BCHE: variants seen among roughly 807,000 people sequenced by gnomAD.
BCHE encodes the protein cholinesterase.
Under a neutral mutation model 51.3 loss-of-function variants are expected in BCHE, and 48 were observed. That is an observed-to-expected ratio of 0.94 (90% CI 0.74 to 1.19). The LOEUF is 1.19. Ranked by LOEUF, BCHE falls within the 50% of genes most tolerant of loss-of-function variation. The pLI, the probability that BCHE is intolerant of heterozygous loss-of-function variation, is 0.00. For synonymous variants in BCHE, 251 were observed against 238.0 expected (o/e 1.05, Z -0.50); for missense variants, 847 against 708.2 (o/e 1.20, Z -2.23).
chr3:165,779,464 A>G (rs1712597925), intron 3 of BCHE, among the ~76,000 whole-genome samples: 1 of 152,162 alleles, frequency 6.6e-6, no homozygotes, highest in African/African-American at 2.4e-5. Context: ...ATAAAAAGAA[A>G]GGAAGTCAAG....
chr3:165,829,009 T>C (rs1478711737), intron 2 of BCHE, among the ~76,000 whole-genome samples: 1 of 151,974 alleles, frequency 6.6e-6, no homozygotes, highest in East Asian at 1.9e-4. Flanking sequence ...AACAATACAA[T>C]GGCAAATGTA....
chr3:165,816,899 T>G (rs1404215979), intron 2 of BCHE, among the ~76,000 whole-genome samples: 1 of 152,088 alleles, frequency 6.6e-6, no homozygotes, highest in East Asian at 1.9e-4. Flanking sequence ...ATCTTCATAC[T>G]TTTAGATACC....
chr3:165,829,080 G>A (rs1714845469), intron 2 of BCHE, among the ~76,000 whole-genome samples: 1 of 152,056 alleles, frequency 6.6e-6, no homozygotes, highest in African/African-American at 2.4e-5. Context: ...TTCCTAAGCA[G>A]AGATACATTA....
intron 1 of BCHE, among the ~76,000 whole-genome samples, chr3:165,834,642 A>G (rs963073774): frequency 6.6e-6 from 1 of 151,928 alleles, no homozygotes; most frequent in Non-Finnish European, 1.5e-5. Flanking sequence ...CCATTAAAAG[A>G]CTTTAAAAAT....
At chr3:165,816,519 C>T in intron 2 of BCHE, among the ~76,000 whole-genome samples, 1 of 151,852 alleles carries the variant, frequency 6.6e-6, no homozygotes, top group East Asian at 1.9e-4. Flanking sequence ...ATTGCAATTA[C>T]TGATTCCTCT....
At chr3:165,780,183 G>A (rs1712637526) in intron 3 of BCHE, among the ~76,000 whole-genome samples, 1 of 152,122 alleles carries the variant, frequency 6.6e-6, no homozygotes, top group African/African-American at 2.4e-5. Flanking sequence ...CTAATAAATG[G>A]TGCTGGGAAA....
intron 2 of BCHE, among the ~76,000 whole-genome samples, chr3:165,794,568 G>A (rs943913090): frequency 6.6e-6 from 1 of 152,264 alleles, no homozygotes; most frequent in East Asian, 1.9e-4. Context: ...GAAGGGAGAA[G>A]GGAGCTATTT....
intron 1 of BCHE, among the ~76,000 whole-genome samples, chr3:165,833,662 G>C (rs1715071753): frequency 6.6e-6 from 1 of 151,994 alleles, no homozygotes; most frequent in Non-Finnish European, 1.5e-5. Context: ...TAACATTTCA[G>C]ACATAATCAA....
chr3:165,777,222 T>C (rs1214146200), intron 3 of BCHE, among the ~76,000 whole-genome samples: 1 of 151,846 alleles, frequency 6.6e-6, no homozygotes, highest in Non-Finnish European at 1.5e-5. Flanking sequence ...TAAATAAAAA[T>C]AGAGCAGAAA....
intron 3 of BCHE, among the ~76,000 whole-genome samples, chr3:165,780,114 G>T (rs829503): frequency 0.91 from 138,489 of 152,138 alleles, 63,588 homozygotes; most frequent in Non-Finnish European, 0.97. Flanking sequence ...ATCATACATC[G>T]ACAACCATTT....
chr3:165,822,301 GATTA>G (rs1437227792), intron 2 of BCHE, among the ~76,000 whole-genome samples: 4 of 151,920 alleles, frequency 2.6e-5, no homozygotes, highest in South Asian at 2.1e-4. Flanking sequence ...AAGCTTAGTT[GATTA>G]ATTAAGTAGT....
chr3:165,822,643 T>A (rs1173357317), intron 2 of BCHE, among the ~76,000 whole-genome samples: 2 of 152,064 alleles, frequency 1.3e-5, no homozygotes, highest in African/African-American at 4.8e-5. Context: ...TGGTTCTCTC[T>A]GAGATTTTAC....
chr3:165,796,385 T>G (rs1342628804), intron 2 of BCHE, among the ~76,000 whole-genome samples: 1 of 152,180 alleles, frequency 6.6e-6, no homozygotes, highest in Non-Finnish European at 1.5e-5. Flanking sequence ...AAGGTGAGAC[T>G]TCTTGAATGA....
chr3:165,804,724 CT>C (rs1350613573), intron 2 of BCHE, among the ~76,000 whole-genome samples: 1 of 152,084 alleles, frequency 6.6e-6, no homozygotes, highest in East Asian at 1.9e-4. Context: ...TATAAATATC[CT>C]TTAGAAGTGT....
Position 165,830,918 on chromosome 3 carries a change from C to T in BCHE, c.116G>A (p.Gly39Glu). The T allele has an allele frequency of 1.9e-6, 3 of 1,613,886 alleles. No individual in the cohort carries two copies. Among genetic ancestry groups the T allele is most frequent in the Non-Finnish European group, 2.5e-6 (3 of 1,179,900 alleles). The stretch of plus-strand genomic sequence containing the variant: ...TGTCAAGTTCATCCCTCTGACTTTT[C>T]CATTCTTTGTTGCAATTATGATGTC... ...EDDIIIATKN[G>E]KVRGMNLTVF... The change falls in exon 2 of 4, where the codon GGA (glycine) becomes GAA (glutamate). Residue 39 changes from glycine to glutamate, a missense_variant. Transcript: ENST00000264381.
chr3:165,784,550 G>A (rs1487961658), intron 3 of BCHE, among the ~76,000 whole-genome samples: 1 of 151,896 alleles, frequency 6.6e-6, no homozygotes, highest in East Asian at 1.9e-4. Flanking sequence ...CGTTACACAA[G>A]CTAGGAATTT....
chr3:165,837,288 G>C, intron 1 of BCHE, 26 bp downstream of exon 1: 1 of 1,243,728 alleles, frequency 8.0e-7, no homozygotes, highest in Non-Finnish European at 1.1e-6. Context: ...ATCTCTACAC[G>C]AAGGTGTAAA....
chr3:165,790,043 G>A lies in BCHE; in HGVS notation c.1518-3732C>T, dbSNP rs534999197. ...AGGACTGGGGATAAATAGAAATGGC[G>A]GGTGAGTAAGTATCAGTGTGTGTGT... On this transcript the variant is annotated intron_variant, in intron 2 of 3. Coordinates refer to ENST00000264381, the MANE Select transcript of BCHE (RefSeq NM_000055.4). Among the ~76,000 whole-genome samples the A allele has an allele frequency of 5.3e-4, 81 of 152,074 alleles. No homozygotes were observed. The East Asian group carries it at 0.014, about 26-fold the overall frequency.
chr3:165,794,155 A>G (rs947753229), intron 2 of BCHE, among the ~76,000 whole-genome samples: 7 of 152,150 alleles, frequency 4.6e-5, no homozygotes, highest in African/African-American at 1.7e-4. Flanking sequence ...ACTGAATTTT[A>G]TTACAGCAAT....
Sources: allele counts gnomAD v4.1 joint callset (sites outside exome capture counted in the v4.1 genomes callset), GRCh38; gene constraint gnomAD v4.1.1; transcripts MANE v1.5; gene names NCBI Gene and HGNC (gene_info 2026-07-23, HGNC 2026-07-21).